Variants in TEX36 observed in about 807,000 individuals in gnomAD.
TEX36 encodes the protein testis-expressed protein 36.
A neutral mutation model predicts 13.6 loss-of-function variants in TEX36; 12 were observed. The observed-to-expected ratio is 0.88, with a 90% CI of 0.56 to 1.43. The LOEUF (loss-of-function observed/expected upper bound fraction) is 1.43. Among genes scored for constraint, TEX36 ranks in the 40% most tolerant of loss-of-function variants. The pLI is 0.00. For missense variants in TEX36, 224 were observed against 228.3 expected, an observed-to-expected ratio of 0.98 and a Z score of 0.12; for synonymous variants, 93 against 83.0, an observed-to-expected ratio of 1.12 and a Z score of -0.65.
chr10:125,637,473 C>G (rs1401052143), intron 3 of TEX36, among the ~76,000 whole-genome samples: 1 of 152,160 alleles, frequency 6.6e-6, no homozygotes, highest in Non-Finnish European at 1.5e-5. Flanking sequence ...TTTTCTTTAT[C>G]CATTCACCTG....
chr10:125,598,064 G>A (rs1026921619), intron 3 of TEX36, among the ~76,000 whole-genome samples: 2 of 152,170 alleles, frequency 1.3e-5, no homozygotes, highest in South Asian at 4.1e-4. Context: ...CAGGGTTAAG[G>A]AGGGTGGGAG....
intron 3 of TEX36, among the ~76,000 whole-genome samples, chr10:125,612,061 C>G (rs1416369881): frequency 3.3e-5 from 5 of 149,908 alleles, no homozygotes. Context: ...ACTCCCTTTT[C>G]TTTTCTTTTC....
At chr10:125,640,598 A>G (rs1236791222) in intron 3 of TEX36, among the ~76,000 whole-genome samples, 1 of 152,240 alleles carries the variant, frequency 6.6e-6, no homozygotes, top group East Asian at 1.9e-4. Context: ...GGCAATACAC[A>G]GCATTTCACA....
chr10:125,667,377 G>A (rs116719224), intron 1 of TEX36: 2 of 650,138 alleles, frequency 3.1e-6, no homozygotes, highest in Non-Finnish European at 5.9e-6. Context: ...CCATTAGGGG[G>A]GATCTCAGGC....
At chr10:125,587,646 G>A (rs1845972059) in intron 3 of TEX36, among the ~76,000 whole-genome samples, 1 of 152,062 alleles carries the variant, frequency 6.6e-6, no homozygotes, top group Non-Finnish European at 1.5e-5. Flanking sequence ...AATTAGCCAG[G>A]CACGGTGGCA....
At position 125,635,985 on chromosome 10, in the gene TEX36, C is replaced by T. The variant is rs890064772; in HGVS notation, c.265-14340G>A. Among the ~76,000 whole-genome samples, 4 of 151,996 alleles carry T rather than the reference C, an allele frequency of 2.6e-5. No homozygotes were observed. The East Asian group carries it at 7.8e-4, about 29-fold the overall frequency. On this transcript the variant is annotated intron_variant, in intron 3 of 3. Coordinates refer to the TEX36 transcript ENST00000526819. ...ACTTCCTGGGCTCAAGCAATCCTCC[C>T]ACCTCAGCCTCCTGAGTAGCTGGGA...
At chr10:125,625,024 C>A (rs531421588) in intron 3 of TEX36, among the ~76,000 whole-genome samples, 1 of 152,296 alleles carries the variant, frequency 6.6e-6, no homozygotes, top group East Asian at 1.9e-4. Flanking sequence ...ACATGCCAGA[C>A]AATTGAGATG....
At chr10:125,613,835 A>G (rs1225123337) in intron 3 of TEX36, among the ~76,000 whole-genome samples, 2 of 152,188 alleles carry the variant, frequency 1.3e-5, no homozygotes, top group African/African-American at 4.8e-5. Flanking sequence ...TTCTAGTTCT[A>G]GATCCCTGAG....
chr10:125,660,929 G>A, intron 3 of TEX36, 92 bp downstream of exon 3: 2 of 1,110,990 alleles, frequency 1.8e-6, no homozygotes, highest in Non-Finnish European at 2.7e-6. Context: ...TTCCAGTTTT[G>A]AGGCCAATCC....
At chr10:125,653,537 A>G (rs888643444), downstream of TEX36, among the ~76,000 whole-genome samples, 17 of 151,984 alleles carry the variant, frequency 1.1e-4, no homozygotes, top group Non-Finnish European at 2.2e-4. Context: ...ACCTAATATA[A>G]ATGACGAGTT....
intron 1 of TEX36, among the ~76,000 whole-genome samples, chr10:125,674,696 A>T (rs1443071058): frequency 6.6e-6 from 1 of 152,158 alleles, no homozygotes; most frequent in Non-Finnish European, 1.5e-5. Context: ...GGACTGCTGC[A>T]GTTTGCTGGA....
At chr10:125,672,155 T>G (rs1161786165) in intron 1 of TEX36, among the ~76,000 whole-genome samples, 1 of 152,178 alleles carries the variant, frequency 6.6e-6, no homozygotes, top group Non-Finnish European at 1.5e-5. Flanking sequence ...TCTTGGTTAT[T>G]TCTTGTCTTC....
intron 3 of TEX36, among the ~76,000 whole-genome samples, chr10:125,608,176 A>G (rs927245467): frequency 6.6e-6 from 1 of 152,176 alleles, no homozygotes; most frequent in Non-Finnish European, 1.5e-5. Flanking sequence ...ATAAAGAGAA[A>G]GGAGGATGTG....
At chr10:125,646,582 G>A (rs771477964) in intron 3 of TEX36, among the ~76,000 whole-genome samples, 2 of 152,190 alleles carry the variant, frequency 1.3e-5, no homozygotes, top group South Asian at 2.1e-4. Flanking sequence ...ATACATTAAC[G>A]AGATCAAAAG....
chr10:125,623,856 T>G (rs1459267033), intron 3 of TEX36, among the ~76,000 whole-genome samples: 2 of 152,360 alleles, frequency 1.3e-5, no homozygotes, highest in Admixed American at 1.3e-4. Context: ...TTTGAATCTA[T>G]AAATAATCAG....
rs1847423256 is a variant in TEX36 at position 125,683,099 on chromosome 10, GCTC to G, written c.-113_-111del. 4.2e-5 allele frequency: 51 copies of G among 1,226,560 alleles called. No individual in the cohort carries two copies. The highest frequency in any genetic ancestry group is 1.9e-4 in the Middle Eastern group (1 of 5,306). The allele number at this position is 1,226,560 out of a possible 1,614,324, so 76.0% of individuals were successfully genotyped here. A position where few individuals can be genotyped will look rare whatever the true frequency, so the allele number is the denominator to read the frequency against. ...TTCATAAGCTCTACACGTCTGGGAA[GCTC>G]CTCCTCCTCCTTGTTCCTGATCTTT... On this transcript the variant is annotated 5_prime_UTR_variant, in exon 1 of 4. Coordinates refer to ENST00000368821, the MANE Select transcript of TEX36 (RefSeq NM_001128202.3).
chr10:125,661,596 G>A (rs7074309), intron 2 of TEX36, among the ~76,000 whole-genome samples: 3,492 of 152,286 alleles, frequency 0.023, 149 homozygotes, highest in African/African-American at 0.079. Flanking sequence ...GCATGTTAAT[G>A]AGCTGTGGGC....
chr10:125,680,249 G>T (rs1245318717), intron 1 of TEX36, among the ~76,000 whole-genome samples: 1 of 152,156 alleles, frequency 6.6e-6, no homozygotes, highest in Admixed American at 6.5e-5. Context: ...AAATCAGGCT[G>T]GGGGTTGGGG....
intron 3 of TEX36, among the ~76,000 whole-genome samples, chr10:125,579,034 T>G (rs1392055265): frequency 1.3e-5 from 2 of 152,194 alleles, no homozygotes; most frequent in African/African-American, 4.8e-5. Flanking sequence ...CCCCAACTCG[T>G]TACAGAAAGG....
Sources: allele counts gnomAD v4.1 joint callset (sites outside exome capture counted in the v4.1 genomes callset), GRCh38; gene constraint gnomAD v4.1.1; transcripts MANE v1.5; gene names NCBI Gene and HGNC (gene_info 2026-07-23, HGNC 2026-07-21).